CREB5: variants seen among roughly 807,000 people sequenced by gnomAD.
CREB5 encodes cyclic AMP-responsive element-binding protein 5.
In CREB5, 19 loss-of-function variants were observed where a neutral mutation model predicts 57.1. The ratio of observed to expected loss-of-function variants is 0.33; its 90% CI spans 0.23 to 0.49. CREB5 has a LOEUF of 0.49. Ranked by LOEUF, CREB5 falls within the 20% of genes least tolerant of loss-of-function variation. The pLI, the probability that CREB5 is intolerant of heterozygous loss-of-function variation, is 0.99. For missense variants in CREB5, 579 were observed against 671.6 expected, an observed-to-expected ratio of 0.86 and a Z score of 1.52; for synonymous variants, 238 against 238.3, an observed-to-expected ratio of 1.00 and a Z score of 0.01.
In CREB5 at chr7:28,612,345, G is replaced by T. The variant is rs367671833; in HGVS notation, c.464+41808G>T. ...ATATGGGCAACACCTACAAGCCGTGGGTCTCTCATTTCCCAGAATGATAGT... is the reference window on the plus strand; with the variant it reads ...ATATGGGCAACACCTACAAGCCGTGTGTCTCTCATTTCCCAGAATGATAGT... On this transcript the variant is annotated intron_variant, in intron 5 of 10. Transcript: ENST00000357727. 4.0e-5 allele frequency among the ~76,000 whole-genome samples: 6 copies of T among 151,580 alleles called. No homozygotes were observed. The East Asian group carries it at 1.2e-3, about 29-fold the overall frequency.
intron 5 of CREB5, among the ~76,000 whole-genome samples, chr7:28,689,714 T>C (rs1235676338): frequency 6.6e-6 from 1 of 152,176 alleles, no homozygotes; most frequent in Non-Finnish European, 1.5e-5. Context: ...GTTAAAATTA[T>C]AGAAACTTAT....
At chr7:28,696,119 C>A (rs1004550931) in intron 5 of CREB5, among the ~76,000 whole-genome samples, 9 of 152,182 alleles carry the variant, frequency 5.9e-5, no homozygotes, top group Non-Finnish European at 1.0e-4. Flanking sequence ...TTAGTCTTCC[C>A]ACAGTCATTA....
chr7:28,748,502 C>T (rs572871724), intron 7 of CREB5, among the ~76,000 whole-genome samples: 143 of 152,244 alleles, frequency 9.4e-4, no homozygotes, highest in African/African-American at 2.7e-3. Context: ...AAGCCAAGGA[C>T]GACGAATTAC....
chr7:28,825,157 A>G lies in CREB5; in HGVS notation c.*5878A>G, dbSNP rs1239599192. On this transcript the variant is annotated 3_prime_UTR_variant, in exon 11 of 11. Transcript: ENST00000357727. The stretch of plus-strand genomic sequence containing the variant: ...TCTAGTTTTCTCCTTTAGAATACCA[A>G]TGCCACAGACACTACAGGAGATAAT... 2.0e-5 allele frequency: 3 copies of G among 152,652 alleles called. No homozygotes were observed. The highest frequency in any genetic ancestry group is 4.4e-5 in the Non-Finnish European group (3 of 68,036). The allele number at this position is 152,652 out of a possible 1,614,324, so 9.5% of individuals were successfully genotyped here. A position where few individuals can be genotyped will look rare whatever the true frequency, so the allele number is the denominator to read the frequency against.
At chr7:28,465,654 T>C (rs937283535) in intron 1 of CREB5, among the ~76,000 whole-genome samples, 2 of 152,196 alleles carry the variant, frequency 1.3e-5, no homozygotes, top group Non-Finnish European at 2.9e-5. Flanking sequence ...AGATTCGTCA[T>C]TGGCCAAATA....
intron 6 of CREB5, among the ~76,000 whole-genome samples, chr7:28,719,081 G>A (rs1009910560): frequency 5.3e-5 from 8 of 152,176 alleles, no homozygotes; most frequent in Admixed American, 4.6e-4. Flanking sequence ...CCACCCTTCA[G>A]TGCTTTGCTA....
chr7:28,301,864 C>A (rs996696509), intron 1 of CREB5, among the ~76,000 whole-genome samples: 1 of 152,156 alleles, frequency 6.6e-6, no homozygotes, highest in African/African-American at 2.4e-5. Context: ...AAAAGAATTT[C>A]TTTGGATTTG....
chr7:28,316,941 TG>T (rs1442283326), intron 1 of CREB5, among the ~76,000 whole-genome samples: 1 of 151,748 alleles, frequency 6.6e-6, no homozygotes, highest in African/African-American at 2.4e-5. Flanking sequence ...GATACACTGT[TG>T]GGTCAACAAT....
At chr7:28,308,696 A>C (rs1785227487) in intron 1 of CREB5, among the ~76,000 whole-genome samples, 1 of 151,496 alleles carries the variant, frequency 6.6e-6, no homozygotes, top group South Asian at 2.1e-4. Context: ...ACCCCTACAA[A>C]CTCCTGGTCT....
chr7:28,601,067 T>C (rs529659115), intron 5 of CREB5, among the ~76,000 whole-genome samples: 57 of 152,296 alleles, frequency 3.7e-4, no homozygotes, highest in African/African-American at 1.3e-3. Flanking sequence ...GAAAGGAGTA[T>C]GTAAAATTCT....
At chr7:28,804,052 T>C (rs778766226) in intron 7 of CREB5, 147 bp from the exon 8 acceptor site, 3 of 725,312 alleles carry the variant, frequency 4.1e-6, no homozygotes, top group Non-Finnish European at 6.8e-6. Flanking sequence ...TATCTTGTAC[T>C]GGTAGCAAGA....
At chr7:28,402,780 TAAAACACCA>T in intron 1 of CREB5, among the ~76,000 whole-genome samples, 1 of 152,148 alleles carries the variant, frequency 6.6e-6, no homozygotes, top group African/African-American at 2.4e-5. Context: ...ACTTCATGAC[TAAAACACCA>T]AAAGCAATGG....
chr7:28,734,006 T>C (rs1312489789), intron 7 of CREB5, among the ~76,000 whole-genome samples: 1 of 152,100 alleles, frequency 6.6e-6, no homozygotes, highest in Non-Finnish European at 1.5e-5. Context: ...GTGTGAATTC[T>C]ACCCAAAATT....
chr7:28,634,319 C>T (rs1002634850), intron 5 of CREB5, among the ~76,000 whole-genome samples: 1 of 152,144 alleles, frequency 6.6e-6, no homozygotes, highest in Non-Finnish European at 1.5e-5. Flanking sequence ...CAGATTAATG[C>T]ATGCTCATGG....
intron 5 of CREB5, among the ~76,000 whole-genome samples, chr7:28,624,698 C>CT (rs35209050): frequency 0.077 from 11,132 of 145,300 alleles, 519 homozygotes; most frequent in Middle Eastern, 0.12. Context: ...AAAAAACAAT[C>CT]TTGAAGAACT....
At chr7:28,445,014 G>C (rs912671800) in intron 1 of CREB5, among the ~76,000 whole-genome samples, 1 of 152,168 alleles carries the variant, frequency 6.6e-6, no homozygotes, top group East Asian at 1.9e-4. Flanking sequence ...GAGCTGGTAG[G>C]GGGTAATTGA....
At chr7:28,389,632 CTT>C (rs111405837) in intron 1 of CREB5, among the ~76,000 whole-genome samples, 31,898 of 146,652 alleles carry the variant, frequency 0.22, 3,983 homozygotes, top group Non-Finnish European at 0.3. Context: ...CTATACTAAA[CTT>C]TTTTTTTTTT....
intron 5 of CREB5, among the ~76,000 whole-genome samples, chr7:28,638,585 C>T (rs1033931901): frequency 6.6e-5 from 10 of 152,004 alleles, no homozygotes; most frequent in African/African-American, 2.2e-4. Flanking sequence ...GGGCTCAAGA[C>T]ATCCACCAGC....
At chr7:28,467,415 A>C (rs9639585) in intron 1 of CREB5, among the ~76,000 whole-genome samples, 1 of 152,204 alleles carries the variant, frequency 6.6e-6, no homozygotes, top group African/African-American at 2.4e-5. Flanking sequence ...ATCGTTTTGC[A>C]TGCAGAGAAA....
Sources: allele counts gnomAD v4.1 joint callset (sites outside exome capture counted in the v4.1 genomes callset), GRCh38; gene constraint gnomAD v4.1.1; transcripts MANE v1.5; gene names NCBI Gene and HGNC (gene_info 2026-07-23, HGNC 2026-07-21).